The following DHX57 variants were observed in gnomAD, a reference collection of about 807,000 sequenced individuals.
DHX57 encodes the protein putative ATP-dependent RNA helicase DHX57.
A neutral mutation model predicts 156.2 loss-of-function variants in DHX57; 105 were observed. That is an observed-to-expected ratio of 0.67 (90% CI 0.57 to 0.79). The LOEUF (loss-of-function observed/expected upper bound fraction) is 0.79. DHX57 is among the 30% of genes least tolerant of loss of function. The probability of loss-of-function intolerance (pLI) is 0.00; values close to 1 mark genes in which losing one functional copy is unlikely to be tolerated. For synonymous variants in DHX57, 704 were observed against 595.6 expected (o/e 1.18, Z -2.65); for missense variants, 1,847 against 1,661.9 (o/e 1.11, Z -1.94).
chr2:38,818,761 A>T (rs138004782), intron 19 of DHX57, 116 bp downstream of exon 19: 1 of 1,214,336 alleles, frequency 8.2e-7, no homozygotes, highest in Admixed American at 2.1e-5. Context: ...AAGGCCAAAC[A>T]TATTCCAGAA....
chr2:38,799,793 C>T (rs1237344904), intron 23 of DHX57, among the ~76,000 whole-genome samples: 2 of 148,590 alleles, frequency 1.3e-5, no homozygotes, highest in Non-Finnish European at 3.0e-5. Flanking sequence ...CAGTGGCTCA[C>T]GCCTGTAATC....
At chr2:38,869,693 C>T (rs533265520) in intron 1 of DHX57, among the ~76,000 whole-genome samples, 1 of 152,198 alleles carries the variant, frequency 6.6e-6, no homozygotes, top group Admixed American at 6.5e-5. Flanking sequence ...ATTAAACCAG[C>T]AAATAACAAT....
At chr2:38,827,735 T>C (rs1479740057) in intron 14 of DHX57, among the ~76,000 whole-genome samples, 2 of 151,634 alleles carry the variant, frequency 1.3e-5, no homozygotes, top group Non-Finnish European at 2.9e-5. Context: ...TTGAAGATGA[T>C]TTTCTCTCAT....
intron 2 of DHX57, among the ~76,000 whole-genome samples, chr2:38,864,534 C>G (rs1453522338): frequency 1.3e-5 from 2 of 152,150 alleles, no homozygotes; most frequent in African/African-American, 4.8e-5. Flanking sequence ...GTCAGCCTTT[C>G]TATTTGTAAA....
Position 38,861,450 on chromosome 2 carries a change from T to C in DHX57, c.960A>G (p.Arg320=), listed in dbSNP as rs1469302569. 1.2e-6 allele frequency: 2 copies of C among 1,614,102 alleles called. No individual in the cohort carries two copies. The highest frequency in any genetic ancestry group is 1.6e-4 in the Middle Eastern group (1 of 6,062). Residue 320 remains arginine (R), a synonymous_variant, in exon 5 of 24, where the codon AGA becomes AGG. Coordinates refer to ENST00000457308, the MANE Select transcript of DHX57 (RefSeq NM_198963.3). The stretch of plus-strand genomic sequence containing the variant: ...GATTTGGGGGCACTTCATGTTTGAA[T>C]CTGCATTTTGATCCAAATTTACAAT... ...KGNCKFGSKC[R]FKHEVPPNQI... is the part of the protein sequence containing the mutation.
At chr2:38,845,177 C>T (rs909728731) in intron 11 of DHX57, among the ~76,000 whole-genome samples, 4 of 150,824 alleles carry the variant, frequency 2.7e-5, no homozygotes, top group African/African-American at 9.8e-5. Flanking sequence ...GCCTGGGTGA[C>T]AGAGTGAGGC....
chr2:38,863,210 A>G (rs1025911157), intron 3 of DHX57, 151 bp downstream of exon 3: 2 of 799,676 alleles, frequency 2.5e-6, no homozygotes, highest in Admixed American at 6.5e-5. Flanking sequence ...TGGCTGAATA[A>G]TTATTCTTGT....
chr2:38,816,270 A>G (rs1572633173), intron 19 of DHX57: 1 of 460,540 alleles, frequency 2.2e-6, no homozygotes, highest in East Asian at 7.0e-5. Context: ...GCTGGAGTGC[A>G]GTGGCGCAAT....
At chr2:38,808,006 G>A (rs1490549958) in intron 21 of DHX57, among the ~76,000 whole-genome samples, 1 of 124,492 alleles carries the variant, frequency 8.0e-6, no homozygotes, top group Non-Finnish European at 1.6e-5. Flanking sequence ...CCAGGCTGGA[G>A]TGCAGTGGCG....
chr2:38,857,770 C>G (rs1403373610), intron 6 of DHX57, among the ~76,000 whole-genome samples: 1 of 152,216 alleles, frequency 6.6e-6, no homozygotes, highest in East Asian at 1.9e-4. Flanking sequence ...ACTTTAGAAA[C>G]AGAATTGGCT....
chr2:38,874,927 A>C (rs1665537245), intron 1 of DHX57, among the ~76,000 whole-genome samples: 2 of 152,214 alleles, frequency 1.3e-5, no homozygotes, highest in Non-Finnish European at 2.9e-5. Context: ...GAAATGAAAT[A>C]ACAAATCAGT....
chr2:38,799,521 G>A (rs1337535675), intron 23 of DHX57, among the ~76,000 whole-genome samples: 1 of 150,872 alleles, frequency 6.6e-6, no homozygotes, highest in Non-Finnish European at 1.5e-5. Flanking sequence ...GGAGACTGAG[G>A]TGGGCGGATC....
chr2:38,838,546 A>T (rs978739983), intron 12 of DHX57, among the ~76,000 whole-genome samples: 2 of 152,210 alleles, frequency 1.3e-5, no homozygotes, highest in East Asian at 3.8e-4. Flanking sequence ...TTTACCCTTC[A>T]AATATTTATT....
chr2:38,854,394 T>TA, intron 8 of DHX57: 1 of 374,316 alleles, frequency 2.7e-6, no homozygotes, highest in South Asian at 3.7e-5. Context: ...TAAAAAGCAT[T>TA]AAAAAACAGT....
At chr2:38,821,014 A>C (rs566434843) in intron 17 of DHX57, among the ~76,000 whole-genome samples, 73 of 152,274 alleles carry the variant, frequency 4.8e-4, no homozygotes, top group Non-Finnish European at 5.7e-4. Flanking sequence ...AAGAGGATTG[A>C]AATAATACAA....
chr2:38,827,533 T>A (rs13422114), intron 14 of DHX57, among the ~76,000 whole-genome samples: 1 of 48,262 alleles, frequency 2.1e-5, no homozygotes, highest in Non-Finnish European at 3.7e-5. Context: ...TATATATATA[T>A]ACACACATAC....
chr2:38,857,701 G>T (rs968040682), intron 6 of DHX57, among the ~76,000 whole-genome samples: 1 of 152,146 alleles, frequency 6.6e-6, no homozygotes, highest in African/African-American at 2.4e-5. Flanking sequence ...TTGCCCTCAG[G>T]ATTCACTTAT....
At chr2:38,858,877 T>G in intron 5 of DHX57, 41 bp from the exon 6 acceptor site, 1 of 1,564,046 alleles carries the variant, frequency 6.4e-7, no homozygotes, top group Non-Finnish European at 8.6e-7. Context: ...ATGGAGCCCT[T>G]TCTTTAACAA....
At chr2:38,863,158 G>T in intron 3 of DHX57, 1 of 539,740 alleles carries the variant, frequency 1.9e-6, no homozygotes, top group Non-Finnish European at 3.2e-6. Flanking sequence ...AGATAAAAAG[G>T]CAATCCCATG....
Sources: gnomAD v4.1 joint callset for allele counts (sites outside exome capture counted in the v4.1 genomes callset) on GRCh38, gnomAD v4.1.1 for gene constraint, MANE v1.5 for transcripts, NCBI Gene and HGNC (gene_info 2026-07-23, HGNC 2026-07-21) for gene names.